PDE11A: variants seen among roughly 807,000 people sequenced by gnomAD.
PDE11A encodes phosphodiesterase 11A.
Under a neutral mutation model 100.5 loss-of-function variants are expected in PDE11A, and 100 were observed. That is an observed-to-expected ratio of 1.00 (90% CI 0.85 to 1.18). The LOEUF (loss-of-function observed/expected upper bound fraction) is 1.18, where lower values mean the gene tolerates loss of function less well. Among genes scored for constraint, PDE11A ranks in the 50% most tolerant of loss-of-function variants. The pLI is 0.00. For synonymous variants in PDE11A, 381 were observed against 420.8 expected, an observed-to-expected ratio of 0.91 and a Z score of 1.16; for missense variants, 1,141 against 1,152.6, an observed-to-expected ratio of 0.99 and a Z score of 0.15.
In PDE11A at chr2:177,885,681, C is replaced by T. The variant is rs533027172; in HGVS notation, c.1303-9758G>A. ...GCAAAGGCTGAGGCAATTTTTGCAA[C>T]TCACTTGAGAAGGAGGGCACTGAAT... On this transcript the variant is annotated intron_variant, in intron 4 of 19. Coordinates refer to ENST00000286063, the MANE Select transcript of PDE11A (RefSeq NM_016953.4). 8.5e-4 allele frequency among the ~76,000 whole-genome samples: 130 copies of T among 152,220 alleles called. 2 individuals carry two copies. The highest frequency in any genetic ancestry group is 7.2e-4 in the Admixed American group (11 of 15,278).
intron 2 of PDE11A, among the ~76,000 whole-genome samples, chr2:177,995,570 T>C (rs2086060881): frequency 6.6e-6 from 1 of 151,990 alleles, no homozygotes; most frequent in Non-Finnish European, 1.5e-5. Context: ...AACAAAAATA[T>C]ACTAAACATT....
intron 19 of PDE11A, among the ~76,000 whole-genome samples, chr2:177,649,681 A>G (rs1006014050): frequency 6.6e-6 from 1 of 152,234 alleles, no homozygotes; most frequent in African/African-American, 2.4e-5. Flanking sequence ...GTAAAAACAC[A>G]CTGTATATAA....
At chr2:178,044,976 G>A (rs2086731589) in intron 1 of PDE11A, among the ~76,000 whole-genome samples, 1 of 152,078 alleles carries the variant, frequency 6.6e-6, no homozygotes, top group Admixed American at 6.6e-5. Context: ...GACATTCCCT[G>A]CAGCCAAACA....
chr2:177,958,973 T>C (rs1253718791), intron 2 of PDE11A, among the ~76,000 whole-genome samples: 1 of 152,188 alleles, frequency 6.6e-6, no homozygotes, highest in African/African-American at 2.4e-5. Context: ...GAAGATAAGG[T>C]TGCTGTTCTC....
chr2:177,769,892 A>C (rs1384904546), intron 9 of PDE11A, among the ~76,000 whole-genome samples: 1 of 148,254 alleles, frequency 6.7e-6, no homozygotes, highest in African/African-American at 2.6e-5. Flanking sequence ...TATCAAAAAA[A>C]AAAAAAAAAA....
Position 178,015,667 on chromosome 2 carries a change from T to TGCATGC in PDE11A, c.913-1208_913-1207insGCATGC, listed in dbSNP as rs1261104509. On this transcript the variant is annotated intron_variant, in intron 1 of 19. Coordinates refer to ENST00000286063, the MANE Select transcript of PDE11A (RefSeq NM_016953.4). Reference sequence around the variant, plus strand: ...ATTATGCTGCAGAATGTCCTTATTCTTAGGATATACATGCTAGGGTATTTG... The same window carrying TGCATGC: ...ATTATGCTGCAGAATGTCCTTATTCTGCATGCTAGGATATACATGCTAGGGTATTTG... 2.6e-5 allele frequency among the ~76,000 whole-genome samples: 4 copies of TGCATGC among 152,126 alleles called. No homozygotes were observed. In the East Asian group the frequency reaches 7.7e-4, roughly 29 times the overall value.
At chr2:177,866,697 G>C (rs1176836202) in intron 5 of PDE11A, among the ~76,000 whole-genome samples, 1 of 152,204 alleles carries the variant, frequency 6.6e-6, no homozygotes, top group Non-Finnish European at 1.5e-5. Context: ...GTATTCGCTT[G>C]TACTAAACAG....
chr2:177,806,248 G>A (rs2082869469), intron 9 of PDE11A, among the ~76,000 whole-genome samples: 2 of 128,988 alleles, frequency 1.6e-5, no homozygotes, highest in Admixed American at 7.5e-5. Context: ...ATGCCAAAGA[G>A]AACTGAAATG....
At chr2:177,978,994 G>A (rs1197557532) in intron 2 of PDE11A, among the ~76,000 whole-genome samples, 3 of 133,602 alleles carry the variant, frequency 2.2e-5, no homozygotes, top group Admixed American at 2.2e-4. Context: ...ACATTAGTGG[G>A]TGCAGCGCAC....
At chr2:178,000,448 A>G (rs1057173910) in intron 2 of PDE11A, among the ~76,000 whole-genome samples, 5 of 152,242 alleles carry the variant, frequency 3.3e-5, no homozygotes, top group African/African-American at 1.2e-4. Flanking sequence ...TTTATCACTC[A>G]GTGCAATCAA....
At chr2:178,062,969 T>A (rs2086991682) in intron 1 of PDE11A, among the ~76,000 whole-genome samples, 1 of 152,204 alleles carries the variant, frequency 6.6e-6, no homozygotes, top group Admixed American at 6.5e-5. Context: ...AGATTTAGTG[T>A]TCATTTATTC....
intron 10 of PDE11A, among the ~76,000 whole-genome samples, chr2:177,755,334 G>C (rs2082076715): frequency 6.6e-6 from 1 of 152,154 alleles, no homozygotes; most frequent in South Asian, 2.1e-4. Flanking sequence ...ATCACTTGTG[G>C]AACCACTTCA....
chr2:177,801,345 T>C (rs2082791048), intron 9 of PDE11A, among the ~76,000 whole-genome samples: 1 of 152,202 alleles, frequency 6.6e-6, no homozygotes, highest in Non-Finnish European at 1.5e-5. Flanking sequence ...CATGACAATA[T>C]GAATACTGTT....
intron 2 of PDE11A, among the ~76,000 whole-genome samples, chr2:178,000,403 T>G (rs1415284451): frequency 6.6e-6 from 1 of 152,200 alleles, no homozygotes; most frequent in African/African-American, 2.4e-5. Context: ...ATGCTCTAAG[T>G]AAGCTGCAGG....
chr2:178,104,361 A>G, exon 2 of PDE11A: 1 of 1,614,100 alleles, frequency 6.2e-7, no homozygotes, highest in Non-Finnish European at 8.5e-7. Context: ...TTTTCAGCCA[A>G]AGAGGCCCCA....
intron 9 of PDE11A, among the ~76,000 whole-genome samples, chr2:177,771,182 C>T (rs2082306395): frequency 6.6e-6 from 1 of 152,218 alleles, no homozygotes; most frequent in Admixed American, 6.5e-5. Flanking sequence ...AATGCTAACT[C>T]CTTCTTCACC....
intron 10 of PDE11A, among the ~76,000 whole-genome samples, chr2:177,755,837 CAT>C (rs2082083546): frequency 6.6e-6 from 1 of 152,228 alleles, no homozygotes; most frequent in Non-Finnish European, 1.5e-5. Flanking sequence ...CCAAGGGCTC[CAT>C]GTGCAATGTG....
At chr2:177,792,437 C>A (rs918455515) in intron 9 of PDE11A, among the ~76,000 whole-genome samples, 1 of 152,128 alleles carries the variant, frequency 6.6e-6, no homozygotes, top group Non-Finnish European at 1.5e-5. Flanking sequence ...TTTATATATA[C>A]TGATTTTCCA....
At chr2:178,023,887 G>A (rs1479693152) in intron 1 of PDE11A, among the ~76,000 whole-genome samples, 1 of 152,154 alleles carries the variant, frequency 6.6e-6, no homozygotes, top group African/African-American at 2.4e-5. Flanking sequence ...AGATATGCAT[G>A]TATATAAGGT....
Sources: gnomAD v4.1 joint callset for allele counts (sites outside exome capture counted in the v4.1 genomes callset) on GRCh38, gnomAD v4.1.1 for gene constraint, MANE v1.5 for transcripts, NCBI Gene and HGNC (gene_info 2026-07-23, HGNC 2026-07-21) for gene names.